The following LRP1B variants were observed in gnomAD, a reference collection of about 807,000 sequenced individuals.
LRP1B encodes low-density lipoprotein receptor-related protein 1B.
LRP1B carries 217 observed loss-of-function variants against 556.6 expected under a neutral mutation model. The ratio of observed to expected loss-of-function variants is 0.39; its 90% CI spans 0.35 to 0.44. LRP1B has a LOEUF of 0.44. Ranked by LOEUF, LRP1B falls within the 20% of genes least tolerant of loss-of-function variation. LRP1B has a pLI of 1.00. For missense variants in LRP1B, 5,053 were observed against 5,620.8 expected, an observed-to-expected ratio of 0.90 and a Z score of 3.23; for synonymous variants, 2,047 against 1,865.8, an observed-to-expected ratio of 1.10 and a Z score of -2.50.
intron 1 of LRP1B, among the ~76,000 whole-genome samples, chr2:141,947,594 C>T (rs1700989169): frequency 6.6e-6 from 1 of 151,958 alleles, no homozygotes; most frequent in African/African-American, 2.4e-5. Context: ...AGTGAGATCA[C>T]TAGGGCGTGA....
chr2:141,880,970 A>G (rs1358191428), intron 1 of LRP1B, among the ~76,000 whole-genome samples: 1 of 152,136 alleles, frequency 6.6e-6, no homozygotes, highest in Admixed American at 6.6e-5. Flanking sequence ...TTAAATTTCT[A>G]TGCTAGGTTG....
chr2:141,347,374 G>A (rs865780571), intron 3 of LRP1B, among the ~76,000 whole-genome samples: 5 of 151,910 alleles, frequency 3.3e-5, no homozygotes, highest in East Asian at 3.9e-4. Flanking sequence ...AAAACAGAGC[G>A]GGTACTTCAT....
intron 49 of LRP1B, among the ~76,000 whole-genome samples, chr2:140,517,370 A>C (rs2104940908): frequency 6.6e-6 from 1 of 152,286 alleles, no homozygotes; most frequent in Non-Finnish European, 1.5e-5. Flanking sequence ...AGGCCAAAGA[A>C]TAATATTTGG....
At chr2:141,137,136 G>T (rs1229841630) in intron 7 of LRP1B, among the ~76,000 whole-genome samples, 1 of 151,852 alleles carries the variant, frequency 6.6e-6, no homozygotes, top group African/African-American at 2.4e-5. Context: ...TTTCTGGTAT[G>T]GAATATTTTT....
chr2:140,972,019 A>C (rs914236738), intron 18 of LRP1B, among the ~76,000 whole-genome samples: 2 of 152,188 alleles, frequency 1.3e-5, no homozygotes, highest in African/African-American at 4.8e-5. Flanking sequence ...GAGTTAGAAC[A>C]AGAAACTACA....
intron 5 of LRP1B, among the ~76,000 whole-genome samples, chr2:141,246,427 T>C (rs1333757944): frequency 6.6e-6 from 1 of 152,170 alleles, no homozygotes; most frequent in Admixed American, 6.5e-5. Flanking sequence ...AGAGATCCTG[T>C]GAGGAGTTTA....
At chr2:141,149,153 C>A (rs888998550) in intron 7 of LRP1B, among the ~76,000 whole-genome samples, 3 of 151,824 alleles carry the variant, frequency 2.0e-5, no homozygotes, top group Non-Finnish European at 4.4e-5. Context: ...TGGAATACAG[C>A]ATTTTTTGTT....
chr2:140,315,571 G>A (rs907023643), intron 82 of LRP1B, among the ~76,000 whole-genome samples: 4 of 151,952 alleles, frequency 2.6e-5, no homozygotes, highest in African/African-American at 9.7e-5. Flanking sequence ...ACCACCACAC[G>A]TGGCCAATTT....
At chr2:141,726,576 G>C (rs1449235220) in intron 2 of LRP1B, among the ~76,000 whole-genome samples, 3 of 151,894 alleles carry the variant, frequency 2.0e-5, no homozygotes, top group Non-Finnish European at 2.9e-5. Context: ...AGCAAGACTG[G>C]AAATTACTCC....
At chr2:141,795,542 T>C (rs1695775035) in intron 2 of LRP1B, among the ~76,000 whole-genome samples, 1 of 152,018 alleles carries the variant, frequency 6.6e-6, no homozygotes, top group Non-Finnish European at 1.5e-5. Flanking sequence ...GATTCCATTG[T>C]TATTATTTTG....
At chr2:141,386,735 C>T (rs1689846565) in intron 3 of LRP1B, among the ~76,000 whole-genome samples, 1 of 151,874 alleles carries the variant, frequency 6.6e-6, no homozygotes, top group Non-Finnish European at 1.5e-5. Context: ...AGCAAACATG[C>T]ACAGATTTGA....
chr2:140,535,409 T>C (rs1690905742), intron 46 of LRP1B, among the ~76,000 whole-genome samples: 1 of 152,182 alleles, frequency 6.6e-6, no homozygotes, highest in Non-Finnish European at 1.5e-5. Flanking sequence ...ACACATCAAT[T>C]ATGGACAAAT....
chr2:140,906,269 C>A (rs879342980), intron 22 of LRP1B, among the ~76,000 whole-genome samples: 1 of 152,022 alleles, frequency 6.6e-6, no homozygotes, highest in Admixed American at 6.6e-5. Flanking sequence ...TAAGTAATGA[C>A]CATATGGCTA....
At chr2:141,510,825 CT>C (rs1177681045) in intron 2 of LRP1B, among the ~76,000 whole-genome samples, 1 of 150,886 alleles carries the variant, frequency 6.6e-6, no homozygotes, top group Non-Finnish European at 1.5e-5. Context: ...TATACATTTA[CT>C]TGTATTTCTA....
intron 41 of LRP1B, among the ~76,000 whole-genome samples, chr2:140,685,935 T>C (rs368395220): frequency 2.6e-5 from 4 of 152,174 alleles, no homozygotes; most frequent in East Asian, 3.9e-4. Flanking sequence ...TCAGCACACA[T>C]GACAAGTTCT....
chr2:141,046,573 T>C (rs138035518), intron 11 of LRP1B, among the ~76,000 whole-genome samples: 127 of 152,308 alleles, frequency 8.3e-4, no homozygotes, highest in Admixed American at 3.7e-3. Context: ...ATAACCTTCA[T>C]ACTGTCAAAG....
chr2:141,633,804 G>A (rs893395952), intron 2 of LRP1B, among the ~76,000 whole-genome samples: 2 of 151,862 alleles, frequency 1.3e-5, no homozygotes, highest in African/African-American at 4.8e-5. Flanking sequence ...TACATTAAAG[G>A]ACTGTTGAAG....
intron 2 of LRP1B, among the ~76,000 whole-genome samples, chr2:141,506,577 A>T (rs1207124111): frequency 6.6e-6 from 1 of 152,112 alleles, no homozygotes; most frequent in Non-Finnish European, 1.5e-5. Context: ...TTACGGGAAG[A>T]GTTAATGACA....
At chr2:141,106,543 A>AAAAAAAAAAAAATGCATTC (rs1317789616) in intron 7 of LRP1B, among the ~76,000 whole-genome samples, 2 of 152,066 alleles carry the variant, frequency 1.3e-5, no homozygotes, top group South Asian at 2.1e-4. Flanking sequence ...AAGTAAATAG[A>AAAAAAAAAAAAATGCATTC]CATGTCTGGA....
Sources: gnomAD v4.1 joint callset for allele counts (sites outside exome capture counted in the v4.1 genomes callset) on GRCh38, gnomAD v4.1.1 for gene constraint, MANE v1.5 for transcripts, NCBI Gene and HGNC (gene_info 2026-07-23, HGNC 2026-07-21) for gene names.